FBN1: variants seen among roughly 807,000 people sequenced by gnomAD.
The protein encoded by FBN1 is fibrillin 1.
In FBN1, 29 loss-of-function variants were observed where a neutral mutation model predicts 365.1. The ratio of observed to expected loss-of-function variants is 0.08; its 90% CI spans 0.06 to 0.11. The LOEUF is 0.11. Among genes scored for constraint, FBN1 ranks in the 10% least tolerant of loss-of-function variants. The pLI, the probability that FBN1 is intolerant of heterozygous loss-of-function variation, is 1.00. For synonymous variants in FBN1, 1,210 were observed against 1,270.5 expected (o/e 0.95, Z 1.01); for missense variants, 2,476 against 3,703.2 (o/e 0.67, Z 8.60).
Position 48,452,761 on chromosome 15 carries a change from A to G in FBN1, c.5423-77T>C, listed in dbSNP as rs1212553255. The stretch of plus-strand genomic sequence containing the variant: ...TCAACAAAGCCTCTCACATGAAAAC[A>G]AATTTATATTTTATTTTGATCTGTT... On this transcript the variant is annotated intron_variant, in intron 44 of 65. Coordinates refer to ENST00000316623, the MANE Select transcript of FBN1 (RefSeq NM_000138.5). 1.0e-4 allele frequency: 151 copies of G among 1,494,020 alleles called. 1 individual carries two copies. In the Admixed American group the frequency reaches 2.5e-3, roughly 25 times the overall value. 92.5% of individuals were successfully genotyped at this position (1,494,020 alleles called of 1,614,324 possible). A position where few individuals can be genotyped will look rare whatever the true frequency, so the allele number is the denominator to read the frequency against.
chr15:48,428,061 G>T, intron 57 of FBN1: 1 of 647,114 alleles, frequency 1.5e-6, no homozygotes, highest in East Asian at 2.8e-5. Flanking sequence ...AGACAGAGGG[G>T]CAGAGAAACA....
At chr15:48,603,962 T>C (rs916531085) in intron 4 of FBN1, among the ~76,000 whole-genome samples, 5 of 152,182 alleles carry the variant, frequency 3.3e-5, no homozygotes, top group African/African-American at 9.7e-5. Context: ...CAAATTAATT[T>C]TGTGTTCATA....
In FBN1 at chr15:48,474,644, T is replaced by C. The variant is rs778709645; in HGVS notation, c.3971A>G (p.Asn1324Ser). 3.7e-6 allele frequency: 6 copies of C among 1,613,984 alleles called. No homozygotes were observed. Among genetic ancestry groups the C allele is most frequent in the African/African-American group, 1.3e-5 (1 of 74,926 alleles). ...KKGKTGCTDI[N>S]ECEIGAHNCG... ...GTTGTGTGCTCCAATTTCACATTCA[T>C]TGATGTCTGGAAAAATGAGCAGTGA... The change falls in exon 33 of 66, where the codon AAT becomes AGT. Residue 1324 changes from asparagine to serine, a missense_variant. By Grantham distance (46) the Asn-to-Ser change is conservative. Around this residue, in one of 5 missense-constraint regions of FBN1, gnomAD observed 1,780 missense variants for 2,840.8 expected, o/e 0.63. Coordinates refer to ENST00000316623, the MANE Select transcript of FBN1 (RefSeq NM_000138.5).
Position 48,494,261 on chromosome 15 carries a change from TA to T in FBN1, c.2678-8del, listed in dbSNP as rs1207205088. 2 of 1,611,690 alleles carry T rather than the reference TA, an allele frequency of 1.2e-6. No homozygotes were observed. Among genetic ancestry groups the T allele is most frequent in the African/African-American group, 2.7e-5 (2 of 74,962 alleles). On this transcript the variant is annotated splice_region_variant and splice_polypyrimidine_tract_variant and intron_variant, in intron 22 of 65. Transcript: ENST00000316623. ...CCTTTACCACATATGGGATCTGTAATAAAAAGCGAAAAACAAAACAGAAAAC... is the reference window on the plus strand; with the variant it reads ...CCTTTACCACATATGGGATCTGTAATAAAAGCGAAAAACAAAACAGAAAAC...
chr15:48,604,143 G>A (rs2044588303), intron 4 of FBN1, among the ~76,000 whole-genome samples: 1 of 148,446 alleles, frequency 6.7e-6, no homozygotes, highest in African/African-American at 2.6e-5. Flanking sequence ...CTATGGGAAT[G>A]AGAGAGAGGC....
chr15:48,411,525 C>A lies in FBN1; in HGVS notation c.8227-146G>T, dbSNP rs963490527. 5.7e-5 allele frequency: 41 copies of A among 714,004 alleles called. No individual in the cohort carries two copies. In the Admixed American group the frequency reaches 7.0e-4, roughly 12 times the overall value. The allele number at this position is 714,004 out of a possible 1,614,324, so 44.2% of individuals were successfully genotyped here. On this transcript the variant is annotated intron_variant, in intron 65 of 65. Transcript: ENST00000316623. The stretch of plus-strand genomic sequence containing the variant: ...AATATTGAAAGCATTTTGTTTAGAC[C>A]ACAAGTGTATTAAATTGGCACATAT...
chr15:48,453,751 G>C (rs2043219473), intron 44 of FBN1, among the ~76,000 whole-genome samples: 2 of 152,072 alleles, frequency 1.3e-5, no homozygotes, highest in East Asian at 1.9e-4. Flanking sequence ...CATGTGTAGG[G>C]GTAGGGAATA....
intron 6 of FBN1, among the ~76,000 whole-genome samples, chr15:48,551,920 G>C (rs2044145405): frequency 6.6e-6 from 1 of 152,158 alleles, no homozygotes; most frequent in African/African-American, 2.4e-5. Context: ...GGACAGTTAG[G>C]TGGATTTCAT....
intron 6 of FBN1, among the ~76,000 whole-genome samples, chr15:48,553,909 T>C (rs1191843520): frequency 1.3e-5 from 2 of 152,186 alleles, no homozygotes; most frequent in African/African-American, 2.4e-5. Flanking sequence ...TTATGGAGCA[T>C]GGTGCTGGCT....
At chr15:48,420,463 C>T (rs1054064380) in intron 63 of FBN1, among the ~76,000 whole-genome samples, 1 of 151,818 alleles carries the variant, frequency 6.6e-6, no homozygotes, top group African/African-American at 2.4e-5. Context: ...ATTCTGGGGG[C>T]ATTTCATTTC....
chr15:48,495,640 A>AAGAG, intron 20 of FBN1, 52 bp from the exon 21 acceptor site: 1 of 1,612,568 alleles, frequency 6.2e-7, no homozygotes. Flanking sequence ...TTGGGCCTAA[A>AAGAG]AGAGTACTTC....
At chr15:48,615,321 A>G (rs1889631165) in intron 2 of FBN1, among the ~76,000 whole-genome samples, 2 of 152,118 alleles carry the variant, frequency 1.3e-5, no homozygotes, top group Non-Finnish European at 1.5e-5. Flanking sequence ...GTCTGACATA[A>G]TATGTCACAG....
At chr15:48,469,973 T>C (rs1053071672) in intron 36 of FBN1, among the ~76,000 whole-genome samples, 1 of 152,056 alleles carries the variant, frequency 6.6e-6, no homozygotes, top group African/African-American at 2.4e-5. Flanking sequence ...TTCCGGAAAT[T>C]TGAACTCATA....
At chr15:48,563,013 C>A (rs942179440) in intron 6 of FBN1, among the ~76,000 whole-genome samples, 2 of 152,256 alleles carry the variant, frequency 1.3e-5, no homozygotes, top group African/African-American at 2.4e-5. Flanking sequence ...GTACTACAGT[C>A]CTTAGCACAG....
rs1893062489 is a variant in FBN1 at position 48,460,305 on chromosome 15, G to A, written c.5237C>T (p.Thr1746Ile). The A allele has an allele frequency of 6.2e-7, 1 of 1,612,344 alleles. No individual in the cohort carries two copies. Among genetic ancestry groups the A allele is most frequent in the Admixed American group, 1.7e-5 (1 of 60,008 alleles). The change falls in exon 43 of 66, where the codon ACA (threonine) becomes ATA (isoleucine). Residue 1746 changes from threonine to isoleucine, a missense_variant. Coordinates refer to ENST00000316623, the MANE Select transcript of FBN1 (RefSeq NM_000138.5). ...CPIPSTDEFA[T>I]LCGSQRPGFV... is the part of the protein sequence containing the mutation. The stretch of plus-strand genomic sequence containing the variant: ...GCCTGGCCTTTGACTTCCACAGAGT[G>A]TAGCAAACTCATCTGCAATGATTAA...
At chr15:48,575,266 CAAGGAA>C (rs2044335953) in intron 6 of FBN1, among the ~76,000 whole-genome samples, 1 of 152,188 alleles carries the variant, frequency 6.6e-6, no homozygotes, top group South Asian at 2.1e-4. Context: ...AATGCTCTGG[CAAGGAA>C]ATGGTAAACC....
intron 51 of FBN1, 36 bp from the exon 52 acceptor site, chr15:48,437,423 A>C (rs1244588017): frequency 2.0e-6 from 3 of 1,521,278 alleles, no homozygotes; most frequent in Non-Finnish European, 1.8e-6. Context: ...ATAGAACAAT[A>C]GCAATTCATT....
intron 37 of FBN1, 52 bp from the exon 38 acceptor site, chr15:48,468,154 G>A (rs771065498): frequency 1.3e-6 from 2 of 1,597,660 alleles, no homozygotes; most frequent in South Asian, 1.1e-5. Context: ...TTCTACTGGG[G>A]TTGAAAATTC....
At chr15:48,589,021 G>GA (rs1029773692) in intron 6 of FBN1, among the ~76,000 whole-genome samples, 2 of 152,168 alleles carry the variant, frequency 1.3e-5, no homozygotes, top group Non-Finnish European at 2.9e-5. Context: ...TATCGTGGCA[G>GA]AAAAAATGCA....
Sources: gnomAD v4.1 joint callset for allele counts (sites outside exome capture counted in the v4.1 genomes callset) on GRCh38, gnomAD v4.1.1 for gene constraint, gnomAD v4.1.1 regional missense constraint, MANE v1.5 for transcripts, NCBI Gene and HGNC (gene_info 2026-07-23, HGNC 2026-07-21) for gene names.